The following GALNT17 variants were observed in gnomAD, a reference collection of about 807,000 sequenced individuals.
GALNT17 encodes the protein UDP-GalNAc:polypeptide N-acetylgalactosaminyltransferase-like 3.
GALNT17 carries 29 observed loss-of-function variants against 63.7 expected under a neutral mutation model. The observed-to-expected ratio is 0.46, with a 90% CI of 0.34 to 0.62. GALNT17 has a LOEUF of 0.62. GALNT17 is among the 20% of genes least tolerant of loss of function. GALNT17 has a pLI of 0.01. For missense variants in GALNT17, 603 were observed against 799.6 expected (o/e 0.75, Z 2.97); for synonymous variants, 305 against 318.3 (o/e 0.96, Z 0.45).
intron 6 of GALNT17, among the ~76,000 whole-genome samples, chr7:71,600,921 C>G (rs986128917): frequency 2.0e-5 from 3 of 152,004 alleles, no homozygotes; most frequent in African/African-American, 7.3e-5. Flanking sequence ...CACTCCCACT[C>G]TTCCCCCCAA....
At chr7:71,406,479 C>A (rs1793330512) in intron 3 of GALNT17, among the ~76,000 whole-genome samples, 1 of 152,088 alleles carries the variant, frequency 6.6e-6, no homozygotes, top group African/African-American at 2.4e-5. Flanking sequence ...TCCCACAAAA[C>A]CCAGGTTCAT....
intron 5 of GALNT17, among the ~76,000 whole-genome samples, chr7:71,535,133 TGTC>T (rs1355594170): frequency 6.6e-6 from 1 of 152,204 alleles, no homozygotes; most frequent in Admixed American, 6.5e-5. Context: ...GTGGCTTCCT[TGTC>T]ATCCTTCAAG....
At chr7:71,591,547 G>A (rs779522515) in intron 6 of GALNT17, among the ~76,000 whole-genome samples, 5 of 152,212 alleles carry the variant, frequency 3.3e-5, no homozygotes, top group Non-Finnish European at 7.3e-5. Flanking sequence ...TTAGTCGCAT[G>A]TCTGGGAAAC....
At chr7:71,402,998 A>G (rs1342657067) in intron 3 of GALNT17, among the ~76,000 whole-genome samples, 2 of 152,168 alleles carry the variant, frequency 1.3e-5, no homozygotes, top group African/African-American at 4.8e-5. Context: ...CAACCAGATC[A>G]TAGCAATGTG....
chr7:71,355,698 A>G (rs1792272098), intron 2 of GALNT17, among the ~76,000 whole-genome samples: 1 of 151,614 alleles, frequency 6.6e-6, no homozygotes. Flanking sequence ...ATGCCCAGCT[A>G]ATTTTTGTGT....
At chr7:71,511,093 G>A (rs1440407083) in intron 5 of GALNT17, among the ~76,000 whole-genome samples, 1 of 152,038 alleles carries the variant, frequency 6.6e-6, no homozygotes, top group African/African-American at 2.4e-5. Flanking sequence ...GAGGCAGGAG[G>A]ATCACTTGAT....
At chr7:71,449,050 TA>T (rs1420492601) in intron 5 of GALNT17, among the ~76,000 whole-genome samples, 3 of 151,696 alleles carry the variant, frequency 2.0e-5, no homozygotes, top group African/African-American at 4.8e-5. Flanking sequence ...TGTACTTCTC[TA>T]TGTGTTTGCT....
intron 1 of GALNT17, among the ~76,000 whole-genome samples, chr7:71,255,747 T>C (rs1313389523): frequency 6.6e-6 from 1 of 152,150 alleles, no homozygotes; most frequent in Non-Finnish European, 1.5e-5. Flanking sequence ...AGCTGGCTTG[T>C]GGAAGGCATT....
rs183467771 is a variant in GALNT17, at chr7:71,706,471, G to A, written c.1501-4290G>A. Among the ~76,000 whole-genome samples, 4 of 152,288 alleles carry A rather than the reference G, an allele frequency of 2.6e-5. No individual in the cohort carries two copies. In the East Asian group the frequency reaches 5.8e-4, roughly 22 times the overall value. ...CTTAGTGCTGCTCATCTGCCTGCTG[G>A]ATAATAGATTGATTCATAATTTCAG... is the stretch of plus-strand genomic sequence containing the variant. On this transcript the variant is annotated intron_variant, in intron 9 of 10. Transcript: ENST00000333538.
intron 1 of GALNT17, among the ~76,000 whole-genome samples, chr7:71,223,001 A>C (rs1439707101): frequency 6.6e-6 from 1 of 152,150 alleles, no homozygotes; most frequent in Non-Finnish European, 1.5e-5. Flanking sequence ...TGAGCTCAGC[A>C]GTTTAAGGTT....
intron 1 of GALNT17, among the ~76,000 whole-genome samples, chr7:71,161,553 G>A (rs1585848568): frequency 6.6e-6 from 1 of 152,032 alleles, no homozygotes; most frequent in Non-Finnish European, 1.5e-5. Flanking sequence ...GGCAGGGCAG[G>A]TTTTACATTT....
At chr7:71,666,521 G>C (rs895522513) in intron 7 of GALNT17, among the ~76,000 whole-genome samples, 1 of 151,886 alleles carries the variant, frequency 6.6e-6, no homozygotes, top group Non-Finnish European at 1.5e-5. Flanking sequence ...AGTATACACT[G>C]CACCATATTT....
chr7:71,528,562 C>T (rs1291920752), intron 5 of GALNT17, among the ~76,000 whole-genome samples: 4 of 152,218 alleles, frequency 2.6e-5, no homozygotes, highest in East Asian at 3.9e-4. Flanking sequence ...CCTATGGGGT[C>T]CATGCTGTTC....
intron 1 of GALNT17, among the ~76,000 whole-genome samples, chr7:71,146,715 G>T (rs927522664): frequency 2.6e-5 from 4 of 152,174 alleles, no homozygotes; most frequent in Admixed American, 2.6e-4. Context: ...TCTTTAGACT[G>T]CTCTGACATG....
chr7:71,670,249 C>G, intron 8 of GALNT17, 140 bp downstream of exon 8: 1 of 1,169,080 alleles, frequency 8.6e-7, no homozygotes, highest in Non-Finnish European at 1.2e-6. Flanking sequence ...GCAAGATTCT[C>G]TCTAGCTGGG....
chr7:71,556,483 G>T (rs7791288), intron 5 of GALNT17, among the ~76,000 whole-genome samples: 30,150 of 152,104 alleles, frequency 0.2, 3,179 homozygotes, highest in Admixed American at 0.25. Flanking sequence ...TGAGTTTGTG[G>T]CCCACTGTTA....
At chr7:71,628,613 A>G (rs971327068) in intron 6 of GALNT17, among the ~76,000 whole-genome samples, 1 of 151,998 alleles carries the variant, frequency 6.6e-6, no homozygotes, top group Admixed American at 6.6e-5. Flanking sequence ...CTGAGCCACC[A>G]TGCCCAGCCA....
chr7:71,270,920 T>C (rs944658624), intron 1 of GALNT17, among the ~76,000 whole-genome samples: 2 of 148,626 alleles, frequency 1.3e-5, no homozygotes, highest in Non-Finnish European at 3.0e-5. Context: ...CCTCATCTTA[T>C]CTGACCTTAT....
intron 1 of GALNT17, among the ~76,000 whole-genome samples, chr7:71,200,116 C>G (rs1252231577): frequency 6.6e-6 from 1 of 152,004 alleles, no homozygotes; most frequent in African/African-American, 2.4e-5. Context: ...AAAATCAATT[C>G]CTTCCAAGGA....
Sources: gnomAD v4.1 joint callset for allele counts (sites outside exome capture counted in the v4.1 genomes callset) on GRCh38, gnomAD v4.1.1 for gene constraint, MANE v1.5 for transcripts, NCBI Gene and HGNC (gene_info 2026-07-23, HGNC 2026-07-21) for gene names.